DSCAML1: variants seen among roughly 807,000 people sequenced by gnomAD.
The protein encoded by DSCAML1 is DS cell adhesion molecule like 1.
A neutral mutation model predicts 200.5 loss-of-function variants in DSCAML1; 38 were observed. The ratio of observed to expected loss-of-function variants is 0.19; its 90% CI spans 0.15 to 0.25. The LOEUF (loss-of-function observed/expected upper bound fraction) is 0.25. Ranked by LOEUF, DSCAML1 falls within the 10% of genes least tolerant of loss-of-function variation. The probability of loss-of-function intolerance (pLI) is 1.00; values close to 1 mark genes in which losing one functional copy is unlikely to be tolerated. For synonymous variants in DSCAML1, 1,215 were observed against 1,165.0 expected (o/e 1.04, Z -0.87); for missense variants, 2,223 against 2,858.8 (o/e 0.78, Z 5.07).
chr11:117,603,838 G>A (rs1014164255), intron 3 of DSCAML1, among the ~76,000 whole-genome samples: 55 of 152,338 alleles, frequency 3.6e-4, no homozygotes, highest in Admixed American at 9.8e-4. Flanking sequence ...ATTTGTATGA[G>A]GGTCAAATAC....
intron 3 of DSCAML1, among the ~76,000 whole-genome samples, chr11:117,571,662 C>A (rs541409484): frequency 6.6e-6 from 1 of 151,964 alleles, no homozygotes; most frequent in Non-Finnish European, 1.5e-5. Flanking sequence ...GTCCTCAGCC[C>A]GTCCTCCCCC....
chr11:117,535,230 G>C (rs1042119726), intron 3 of DSCAML1, among the ~76,000 whole-genome samples: 2 of 152,212 alleles, frequency 1.3e-5, no homozygotes, highest in African/African-American at 4.8e-5. Flanking sequence ...GTCAACTAAA[G>C]ACCCTGGCCC....
chr11:117,529,589 A>T (rs1344571256), intron 4 of DSCAML1, among the ~76,000 whole-genome samples: 1 of 152,054 alleles, frequency 6.6e-6, no homozygotes, highest in Non-Finnish European at 1.5e-5. Flanking sequence ...CCCCACCCCC[A>T]GCAACTTTAG....
chr11:117,440,023 G>T (rs1211810816), intron 21 of DSCAML1, 87 bp from the exon 22 acceptor site: 2 of 1,167,528 alleles, frequency 1.7e-6, no homozygotes, highest in Non-Finnish European at 2.5e-6. Context: ...TGGATTTACA[G>T]TTCAAATCCT....
Position 117,622,690 on chromosome 11 carries a change from C to T in DSCAML1, c.512-90168G>A, listed in dbSNP as rs745825961. On this transcript the variant is annotated intron_variant, in intron 3 of 32. Transcript: ENST00000651296. Reference sequence around the variant, plus strand: ...CAGAGCCCTGATCCACTGGGGATGACGGGAGCCAAAGACCCAGACTCTTTA... The same window carrying T: ...CAGAGCCCTGATCCACTGGGGATGATGGGAGCCAAAGACCCAGACTCTTTA... Among the ~76,000 whole-genome samples, 7 of 152,036 alleles carry T rather than the reference C, an allele frequency of 4.6e-5. No individual in the cohort carries two copies. The South Asian group carries it at 6.2e-4, about 14-fold the overall frequency.
Position 117,726,460 on chromosome 11 carries a change from T to C in DSCAML1, c.511+50331A>G, listed in dbSNP as rs547006877. 4.6e-5 allele frequency among the ~76,000 whole-genome samples: 7 copies of C among 152,288 alleles called. No homozygotes were observed. In the East Asian group the frequency reaches 9.6e-4, roughly 21 times the overall value. On this transcript the variant is annotated intron_variant, in intron 3 of 32. Coordinates refer to ENST00000651296, the MANE Select transcript of DSCAML1 (RefSeq NM_020693.4). ...ATTTCATAGTATACTTTAATGTTTA[T>C]ATAAATATAAGGTCAGTGGGTAACT... is the stretch of plus-strand genomic sequence containing the variant.
chr11:117,626,463 A>G (rs7933905), intron 3 of DSCAML1, among the ~76,000 whole-genome samples: 97 of 152,222 alleles, frequency 6.4e-4, no homozygotes, highest in African/African-American at 2.2e-3. Flanking sequence ...TTGATTTGAT[A>G]GTGGGGCAAA....
At chr11:117,606,507 C>T (rs753628668) in intron 3 of DSCAML1, among the ~76,000 whole-genome samples, 1 of 152,178 alleles carries the variant, frequency 6.6e-6, no homozygotes. Context: ...AATAAATGCA[C>T]TCTGTTTTTC....
chr11:117,708,847 G>T (rs1171476807), intron 3 of DSCAML1, among the ~76,000 whole-genome samples: 2 of 152,214 alleles, frequency 1.3e-5, no homozygotes, highest in African/African-American at 4.8e-5. Context: ...ACAAAGTGGG[G>T]GGTGGGATGT....
In DSCAML1 at chr11:117,780,256, G is replaced by GAA. The variant is rs1401495376; in HGVS notation, c.364+235_364+236dup. Among the ~76,000 whole-genome samples the GAA allele has an allele frequency of 1.4e-5, 1 of 70,658 alleles. No homozygotes were observed. Among genetic ancestry groups the GAA allele is most frequent in the African/African-American group, 5.0e-5 (1 of 19,822 alleles). The allele number at this position is 70,658 out of a possible 152,430, so 46.4% of individuals were successfully genotyped here. ...GGAAAGAAAGAAAGAAAGAAAGAAA[G>GAA]AAAGAAAGAAAGAAAGAAAGAAAGA... On this transcript the variant is annotated intron_variant, in intron 2 of 32. Coordinates refer to ENST00000651296, the MANE Select transcript of DSCAML1 (RefSeq NM_020693.4). This position sits in a 1 kb window ranked among gnomAD's most constrained non-coding sequence, Gnocchi z 4.8.
intron 20 of DSCAML1, among the ~76,000 whole-genome samples, chr11:117,444,819 C>T (rs1305442460): frequency 2.6e-5 from 4 of 152,122 alleles, no homozygotes; most frequent in South Asian, 2.1e-4. Context: ...TTTTGATAAG[C>T]GCTAGTTTGC....
At position 117,469,181 on chromosome 11, in the gene DSCAML1, G is replaced by A. The variant is rs1265328162; in HGVS notation, c.3024+729C>T. Among the ~76,000 whole-genome samples, 3 of 152,176 alleles carry A rather than the reference G, an allele frequency of 2.0e-5. No homozygotes were observed. The highest frequency in any genetic ancestry group is 2.9e-5 in the Non-Finnish European group (2 of 68,040). The stretch of plus-strand genomic sequence containing the variant: ...GGGGATAAAAGTGCCTTCTCTCGCT[G>A]CTCCCCAGGAATGAGGAGAGGGTCA... On this transcript the variant is annotated intron_variant, in intron 16 of 32. Coordinates refer to ENST00000651296, the MANE Select transcript of DSCAML1 (RefSeq NM_020693.4). The surrounding 1 kb of genome is among the most constrained non-coding windows in gnomAD (Gnocchi z 4.1).
chr11:117,626,458 T>G (rs2052048935), intron 3 of DSCAML1, among the ~76,000 whole-genome samples: 1 of 152,142 alleles, frequency 6.6e-6, no homozygotes, highest in Admixed American at 6.5e-5. Context: ...CTTTCTTGAT[T>G]TGATAGTGGG....
Position 117,481,155 on chromosome 11 carries a change from G to C in DSCAML1, c.2656+19C>G, listed in dbSNP as rs1229186548. The C allele has an allele frequency of 6.2e-7, 1 of 1,612,236 alleles. No individual in the cohort carries two copies. Among genetic ancestry groups the C allele is most frequent in the African/African-American group, 1.3e-5 (1 of 74,944 alleles). The stretch of plus-strand genomic sequence containing the variant: ...GCCCTGGGGAGGTGGGATGGGAAGG[G>C]TGGGGCAGGTGAAGGTACCTTGCAC... On this transcript the variant is annotated intron_variant, in intron 13 of 32. Coordinates refer to ENST00000651296, the MANE Select transcript of DSCAML1 (RefSeq NM_020693.4).
chr11:117,548,250 G>C (rs1456477118), intron 3 of DSCAML1, among the ~76,000 whole-genome samples: 1 of 152,228 alleles, frequency 6.6e-6, no homozygotes, highest in Non-Finnish European at 1.5e-5. Flanking sequence ...CTTGGGCTAA[G>C]GGTTTTCTTC....
At chr11:117,681,158 C>T (rs1565871138) in intron 3 of DSCAML1, among the ~76,000 whole-genome samples, 1 of 152,320 alleles carries the variant, frequency 6.6e-6, no homozygotes, top group East Asian at 1.9e-4. Flanking sequence ...CCACGCCCTC[C>T]AAGCTCTGTT....
intron 3 of DSCAML1, among the ~76,000 whole-genome samples, chr11:117,560,090 C>G (rs1352378276): frequency 6.6e-6 from 1 of 151,784 alleles, no homozygotes; most frequent in African/African-American, 2.4e-5. Flanking sequence ...TTGAAGTGGG[C>G]TTCTCCCTTG....
chr11:117,708,869 T>C (rs1490982906), intron 3 of DSCAML1, among the ~76,000 whole-genome samples: 1 of 152,176 alleles, frequency 6.6e-6, no homozygotes, highest in African/African-American at 2.4e-5. Context: ...AGATGTAGGC[T>C]CCCATTACAT....
At chr11:117,744,288 G>A (rs12289673) in intron 3 of DSCAML1, among the ~76,000 whole-genome samples, 15,681 of 152,224 alleles carry the variant, frequency 0.1, 1,666 homozygotes, top group African/African-American at 0.27. Flanking sequence ...TGTGGCCTGC[G>A]TCCAGCTCTT....
Sources: allele counts gnomAD v4.1 joint callset (sites outside exome capture counted in the v4.1 genomes callset), GRCh38; gene constraint gnomAD v4.1.1; non-coding constraint Gnocchi (gnomAD v3.1); transcripts MANE v1.5; gene names NCBI Gene and HGNC (gene_info 2026-07-23, HGNC 2026-07-21).